CAMK4: variants seen among roughly 807,000 people sequenced by gnomAD.
The protein encoded by CAMK4 is calcium/calmodulin-dependent protein kinase type IV.
CAMK4 carries 22 observed loss-of-function variants against 44.9 expected under a neutral mutation model. The ratio of observed to expected loss-of-function variants is 0.49; its 90% confidence interval spans 0.35 to 0.70. CAMK4 has a LOEUF of 0.70. Among genes scored for constraint, CAMK4 ranks in the 30% least tolerant of loss-of-function variants. The pLI, the probability that CAMK4 is intolerant of heterozygous loss-of-function variation, is 0.01. For missense variants in CAMK4, 498 were observed against 586.8 expected (o/e 0.85, Z 1.56); for synonymous variants, 218 against 215.4 (o/e 1.01, Z -0.11).
At chr5:111,423,319 A>G (rs1753098707) in intron 5 of CAMK4, among the ~76,000 whole-genome samples, 1 of 152,244 alleles carries the variant, frequency 6.6e-6, no homozygotes, top group Non-Finnish European at 1.5e-5. Context: ...AAGAAATCTA[A>G]TTTTATAGAA....
chr5:111,412,358 G>A (rs1337708430), intron 5 of CAMK4, among the ~76,000 whole-genome samples: 2 of 152,156 alleles, frequency 1.3e-5, no homozygotes, highest in Non-Finnish European at 1.5e-5. Context: ...AAGACTCCAT[G>A]TCTCATTTTA....
intron 7 of CAMK4, among the ~76,000 whole-genome samples, chr5:111,457,443 A>T (rs973244840): frequency 6.6e-5 from 10 of 152,256 alleles, no homozygotes; most frequent in Non-Finnish European, 1.2e-4. Context: ...AAGATGACAC[A>T]GCACAATTAA....
chr5:111,338,032 T>C lies in CAMK4; in HGVS notation c.162-5992T>C, dbSNP rs546912995. On this transcript the variant is annotated intron_variant, in intron 1 of 10. Coordinates refer to ENST00000282356, the MANE Select transcript of CAMK4 (RefSeq NM_001744.6). ...TAGTTTCCATTTCCCAAATGACTAA[T>C]GATGCTGTGGATCTTTGCATGTTCT... is the stretch of plus-strand genomic sequence containing the variant. 2.6e-5 allele frequency among the ~76,000 whole-genome samples: 4 copies of C among 151,338 alleles called. No homozygotes were observed. The South Asian group carries it at 6.2e-4, about 24-fold the overall frequency.
At chr5:111,369,894 T>C (rs1750938932) in intron 2 of CAMK4, among the ~76,000 whole-genome samples, 2 of 152,202 alleles carry the variant, frequency 1.3e-5, no homozygotes, top group East Asian at 3.8e-4. Flanking sequence ...TTATTTTTTA[T>C]TGTTGTTGGG....
At chr5:111,447,815 C>A (rs1308370460) in intron 6 of CAMK4, among the ~76,000 whole-genome samples, 1 of 152,176 alleles carries the variant, frequency 6.6e-6, no homozygotes, top group Non-Finnish European at 1.5e-5. Context: ...AATGCAAGAA[C>A]CTAAGGAAAA....
At chr5:111,368,718 T>G (rs1750889557) in intron 2 of CAMK4, among the ~76,000 whole-genome samples, 1 of 152,072 alleles carries the variant, frequency 6.6e-6, no homozygotes, top group Non-Finnish European at 1.5e-5. Context: ...TTACTTAGAC[T>G]CGTAAATCAG....
intron 1 of CAMK4, among the ~76,000 whole-genome samples, chr5:111,227,691 G>A (rs201267144): frequency 6.6e-6 from 1 of 152,238 alleles, no homozygotes; most frequent in East Asian, 1.9e-4. Flanking sequence ...GAGCCATTGA[G>A]ACCAAGACAG....
intron 4 of CAMK4, among the ~76,000 whole-genome samples, chr5:111,393,878 T>G (rs897704023): frequency 3.3e-5 from 5 of 151,538 alleles, no homozygotes; most frequent in Admixed American, 6.6e-5. Context: ...TTTGTGTTTT[T>G]TTTTTTTTTT....
intron 5 of CAMK4, among the ~76,000 whole-genome samples, chr5:111,443,097 A>T (rs1321443952): frequency 6.7e-6 from 1 of 149,026 alleles, no homozygotes; most frequent in Non-Finnish European, 1.5e-5. Context: ...CATACTTCAC[A>T]TTTTCCTTCT....
At chr5:111,283,016 G>A (rs923791248) in intron 1 of CAMK4, 1 of 152,182 alleles carries the variant, frequency 6.6e-6, no homozygotes, top group Non-Finnish European at 1.5e-5. Flanking sequence ...AGCATCACAG[G>A]TTGTACCACT....
intron 2 of CAMK4, among the ~76,000 whole-genome samples, chr5:111,358,743 C>T (rs779518718): frequency 6.6e-6 from 1 of 151,808 alleles, no homozygotes; most frequent in Non-Finnish European, 1.5e-5. Context: ...CCAGGTAGGC[C>T]CCAGTGGCAA....
intron 2 of CAMK4, among the ~76,000 whole-genome samples, chr5:111,370,086 A>G (rs1750945984): frequency 6.6e-6 from 1 of 152,176 alleles, no homozygotes; most frequent in African/African-American, 2.4e-5. Context: ...CTGAGACCAT[A>G]TTTTAAATTG....
intron 2 of CAMK4, among the ~76,000 whole-genome samples, chr5:111,360,309 G>C (rs1750537489): frequency 6.6e-6 from 1 of 152,036 alleles, no homozygotes; most frequent in African/African-American, 2.4e-5. Flanking sequence ...AGATAACCCA[G>C]GGAAGCGTGG....
At chr5:111,249,189 C>A (rs1484921988) in intron 1 of CAMK4, among the ~76,000 whole-genome samples, 1 of 152,060 alleles carries the variant, frequency 6.6e-6, no homozygotes, top group African/African-American at 2.4e-5. Context: ...TTCCTTTCCT[C>A]ATTGTTCAAG....
intron 1 of CAMK4, among the ~76,000 whole-genome samples, chr5:111,231,625 T>A (rs1209725810): frequency 6.6e-6 from 1 of 152,212 alleles, no homozygotes; most frequent in Non-Finnish European, 1.5e-5. Context: ...AACCAAATGT[T>A]TCTCCCATTT....
intron 1 of CAMK4, among the ~76,000 whole-genome samples, chr5:111,259,645 A>T (rs1749895697): frequency 6.6e-6 from 1 of 152,200 alleles, no homozygotes; most frequent in African/African-American, 2.4e-5. Context: ...GTCCTTTGAA[A>T]AAATGCCAAA....
intron 1 of CAMK4, among the ~76,000 whole-genome samples, chr5:111,330,496 TG>T (rs1164071195): frequency 1.8e-5 from 2 of 111,222 alleles, no homozygotes; most frequent in African/African-American, 8.3e-5. Flanking sequence ...TGTTGTTGTT[TG>T]GTTTTTTGTT....
At chr5:111,326,836 A>C (rs949310026) in intron 1 of CAMK4, among the ~76,000 whole-genome samples, 1 of 151,866 alleles carries the variant, frequency 6.6e-6, no homozygotes, top group Non-Finnish European at 1.5e-5. Context: ...CTACTTAATA[A>C]ATTATTATGT....
chr5:111,369,645 T>C (rs1750929863), intron 2 of CAMK4, among the ~76,000 whole-genome samples: 1 of 152,152 alleles, frequency 6.6e-6, no homozygotes. Flanking sequence ...GTTGTTTTGT[T>C]TGAAGTACGG....
Sources: gnomAD v4.1 joint callset for allele counts (sites outside exome capture counted in the v4.1 genomes callset) on GRCh38, gnomAD v4.1.1 for gene constraint, MANE v1.5 for transcripts, NCBI Gene and HGNC (gene_info 2026-07-23, HGNC 2026-07-21) for gene names.